The following CFHR3 variants were observed in gnomAD, a reference collection of about 807,000 sequenced individuals.
CFHR3 encodes complement factor H related 3.
CFHR3 carries 22 observed loss-of-function variants against 36.0 expected under a neutral mutation model. The observed-to-expected ratio is 0.61, with a 90% confidence interval of 0.44 to 0.87. CFHR3 has a LOEUF of 0.87. Among genes scored for constraint, CFHR3 ranks in the 40% least tolerant of loss-of-function variants. CFHR3 has a pLI of 0.00. For synonymous variants in CFHR3, 97 were observed against 137.4 expected, an observed-to-expected ratio of 0.71 and a Z score of 2.06; for missense variants, 276 against 401.3, an observed-to-expected ratio of 0.69 and a Z score of 2.67.
chr1:196,788,179 C>T lies in CFHR3; in HGVS notation c.431-37C>T, dbSNP rs754485848. ...TCCCTCCTATAAAAGAACTATTCAA[C>T]TAATATTTACTTTTTTCTTGACTTT... On this transcript the variant is annotated intron_variant, in intron 3 of 5. Transcript: ENST00000367425. 5.0e-6 allele frequency: 7 copies of T among 1,397,782 alleles called. 1 individual carries two copies. Among genetic ancestry groups the T allele is most frequent in the African/African-American group, 3.6e-5 (2 of 55,648 alleles). 86.6% of individuals were successfully genotyped at this position (1,397,782 alleles called of 1,614,324 possible). A position where few individuals can be genotyped will look rare whatever the true frequency, so the allele number is the denominator to read the frequency against.
chr1:196,777,923 G>T (rs1241400134), intron 1 of CFHR3, among the ~76,000 whole-genome samples: 1 of 124,686 alleles, frequency 8.0e-6, no homozygotes, highest in Non-Finnish European at 1.6e-5. Flanking sequence ...GGAGGCAGAG[G>T]TTGCAGTGAG....
chr1:196,779,984 C>G lies in CFHR3; in HGVS notation c.430+11C>G, dbSNP rs770027832. ...GATGCATCCGTGTCAGTAAGTACAC[C>G]GCTCTGAGATCCCAGCATGTTCATG... On this transcript the variant is annotated intron_variant, in intron 3 of 5. Coordinates refer to ENST00000367425, the MANE Select transcript of CFHR3 (RefSeq NM_021023.6). 1.3e-6 allele frequency: 2 copies of G among 1,532,028 alleles called. No individual in the cohort carries two copies. Among genetic ancestry groups the G allele is most frequent in the South Asian group, 1.2e-5 (1 of 80,668 alleles). The allele number at this position is 1,532,028 out of a possible 1,614,324, so 94.9% of individuals were successfully genotyped here.
At chr1:196,789,133 A>C in intron 4 of CFHR3, 2 of 999,522 alleles carry the variant, frequency 2.0e-6, no homozygotes, top group East Asian at 5.7e-5. Flanking sequence ...AGAGTTTTAA[A>C]GATAAATTGC....
At chr1:196,789,730 TG>T in intron 4 of CFHR3, 1 of 1,436,774 alleles carries the variant, frequency 7.0e-7, no homozygotes, top group Non-Finnish European at 9.2e-7. Flanking sequence ...GTGGTGAAGA[TG>T]GGTAGTCCCA....
At chr1:196,782,664 A>T (rs1654005435) in intron 3 of CFHR3, among the ~76,000 whole-genome samples, 4 of 136,906 alleles carry the variant, frequency 2.9e-5, no homozygotes, top group Admixed American at 2.8e-4. Context: ...GTATCCTGAG[A>T]CTTTGCTGAA....
rs565237377 is a variant in CFHR3, at chr1:196,781,020, C to G, written c.430+1047C>G. Reference sequence around the variant, plus strand: ...CCTGTGTCCATGTGTTCTCGTTGTTCAGTTCCCACCTATGAGTGAGAACAC... The same window carrying G: ...CCTGTGTCCATGTGTTCTCGTTGTTGAGTTCCCACCTATGAGTGAGAACAC... On this transcript the variant is annotated intron_variant, in intron 3 of 5. Transcript: ENST00000367425. 3.3e-3 allele frequency among the ~76,000 whole-genome samples: 371 copies of G among 112,066 alleles called. 45 individuals carry two copies. Among genetic ancestry groups the G allele is most frequent in the Non-Finnish European group, 5.2e-3 (304 of 58,224 alleles). 73.5% of individuals were successfully genotyped at this position (112,066 alleles called of 152,430 possible).
chr1:196,781,256 A>AGCAGCATGTGTCTTTAT (rs1653938027), intron 3 of CFHR3, among the ~76,000 whole-genome samples: 1 of 134,936 alleles, frequency 7.4e-6, no homozygotes. Flanking sequence ...ATGCCGCAAT[A>AGCAGCATGTGTCTTTAT]AGCATACGTG....
Position 196,793,505 on chromosome 1 carries a change from T to A in CFHR3, c.985T>A (p.Cys329Ser), listed in dbSNP as rs529213873. 2 of 1,524,328 alleles carry A rather than the reference T, an allele frequency of 1.3e-6. No individual in the cohort carries two copies. The highest frequency in any genetic ancestry group is 2.2e-5 in the East Asian group (1 of 44,482). The allele number at this position is 1,524,328 out of a possible 1,614,324, so 94.4% of individuals were successfully genotyped here. A position where few individuals can be genotyped will look rare whatever the true frequency, so the allele number is the denominator to read the frequency against. ...GGAAGGGATAGTGGAATACCCCAGA[T>A]GCGAATAAGGCAGCATTGTTACCCT... ...CREGIVEYPR[C>S]E Residue 329 changes from cysteine (C) to serine (S), a missense_variant, in exon 6 of 6, where the codon TGC (cysteine) becomes AGC (serine). By Grantham distance (112) the Cys-to-Ser change is moderately radical. Transcript: ENST00000367425.
At position 196,781,707 on chromosome 1, in the gene CFHR3, T is replaced by C. The variant is rs1194068946; in HGVS notation, c.430+1734T>C. On this transcript the variant is annotated intron_variant, in intron 3 of 5. Coordinates refer to ENST00000367425, the MANE Select transcript of CFHR3 (RefSeq NM_021023.6). ...ATTGTAGATTCTGGATATTAGCCCT[T>C]TGTCAGATGAGTAGGTTGCAAAAAT... is the stretch of plus-strand genomic sequence containing the variant. Among the ~76,000 whole-genome samples, 6 of 135,014 alleles carry C rather than the reference T, an allele frequency of 4.4e-5. 1 individual carries two copies. Among genetic ancestry groups the C allele is most frequent in the Non-Finnish European group, 9.4e-5 (6 of 64,116 alleles). The allele number at this position is 135,014 out of a possible 152,430, so 88.6% of individuals were successfully genotyped here.
intron 3 of CFHR3, among the ~76,000 whole-genome samples, chr1:196,784,510 A>G (rs1654104946): frequency 7.3e-6 from 1 of 136,374 alleles, no homozygotes; most frequent in Non-Finnish European, 1.6e-5. Flanking sequence ...ATATATATCT[A>G]GGATAGTTAG....
In CFHR3 at chr1:196,787,697, C is replaced by G. The variant is rs1255029011; in HGVS notation, c.431-519C>G. Among the ~76,000 whole-genome samples the G allele has an allele frequency of 1.5e-5, 2 of 136,672 alleles. 1 individual carries two copies. Among genetic ancestry groups the G allele is most frequent in the Non-Finnish European group, 3.1e-5 (2 of 64,574 alleles). The allele number at this position is 136,672 out of a possible 152,430, so 89.7% of individuals were successfully genotyped here. On this transcript the variant is annotated intron_variant, in intron 3 of 5. Transcript: ENST00000367425. ...TTTCTGCTTACATTTCCACATGCCTCTCAAACACCACGTCTATATGGGTTT... is the reference window on the plus strand; with the variant it reads ...TTTCTGCTTACATTTCCACATGCCTGTCAAACACCACGTCTATATGGGTTT...
intron 3 of CFHR3, among the ~76,000 whole-genome samples, chr1:196,785,804 G>C (rs531260189): frequency 1.5e-5 from 2 of 137,158 alleles, no homozygotes; most frequent in South Asian, 5.1e-4. Flanking sequence ...TTCTCAACTC[G>C]TCAAAGTCAT....
rs1222512570 is a variant in CFHR3, at chr1:196,775,601, C to A, written c.58+657C>A. Among the ~76,000 whole-genome samples, 2 of 136,752 alleles carry A rather than the reference C, an allele frequency of 1.5e-5. 1 individual carries two copies. The highest frequency in any genetic ancestry group is 6.1e-5 in the African/African-American group (2 of 32,876). 89.7% of individuals were successfully genotyped at this position (136,752 alleles called of 152,430 possible). A position where few individuals can be genotyped will look rare whatever the true frequency, so the allele number is the denominator to read the frequency against. Reference sequence around the variant, plus strand: ...TCAATAAGTAAATATACAGAAAATACTTTTCATAGCGTTATGTCATTGTTC... The same window carrying A: ...TCAATAAGTAAATATACAGAAAATAATTTTCATAGCGTTATGTCATTGTTC... On this transcript the variant is annotated intron_variant, in intron 1 of 5. Coordinates refer to ENST00000367425, the MANE Select transcript of CFHR3 (RefSeq NM_021023.6).
chr1:196,780,009 G>T (rs750432555), intron 3 of CFHR3, 36 bp downstream of exon 3: 1 of 1,529,092 alleles, frequency 6.5e-7, no homozygotes. Flanking sequence ...GCATGTTCAT[G>T]TCTTTCTAAG....
Position 196,781,989 on chromosome 1 carries a change from AG to A in CFHR3, c.430+2018del, listed in dbSNP as rs1240147132. 2.2e-5 allele frequency among the ~76,000 whole-genome samples: 3 copies of A among 137,248 alleles called. 1 individual carries two copies. The highest frequency in any genetic ancestry group is 9.1e-5 in the African/African-American group (3 of 32,842). The allele number at this position is 137,248 out of a possible 152,430, so 90.0% of individuals were successfully genotyped here. A position where few individuals can be genotyped will look rare whatever the true frequency, so the allele number is the denominator to read the frequency against. On this transcript the variant is annotated intron_variant, in intron 3 of 5. Coordinates refer to ENST00000367425, the MANE Select transcript of CFHR3 (RefSeq NM_021023.6). Reference sequence around the variant, plus strand: ...TGAATTAATTTTTGTATAAGGTGTAAGGAAGGGATCCAGTTTCAGCTTTCTA... The same window carrying A: ...TGAATTAATTTTTGTATAAGGTGTAAGAAGGGATCCAGTTTCAGCTTTCTA...
intron 4 of CFHR3, chr1:196,788,704 A>G: frequency 6.9e-7 from 1 of 1,454,746 alleles, no homozygotes; most frequent in Non-Finnish European, 9.1e-7. Context: ...GCCAATAAAA[A>G]CTTTGTTGTC....
At chr1:196,788,531 C>T (rs1654300781) in intron 4 of CFHR3, 133 bp downstream of exon 4, 1 of 1,304,510 alleles carries the variant, frequency 7.7e-7, no homozygotes, top group African/African-American at 1.9e-5. Context: ...AACCATTCAA[C>T]ATTCTGTGCC....
At chr1:196,774,974 T>C in intron 1 of CFHR3, 30 bp downstream of exon 1, 1 of 1,473,408 alleles carries the variant, frequency 6.8e-7, no homozygotes. Flanking sequence ...AACACTCAGC[T>C]TCCCTCTTAA....
chr1:196,793,121 C>A (rs867018243), intron 5 of CFHR3, among the ~76,000 whole-genome samples, 196 bp from the exon 6 acceptor site: 1 of 134,864 alleles, frequency 7.4e-6, no homozygotes, highest in South Asian at 2.6e-4. Flanking sequence ...ATGATCTCTG[C>A]TGTGATGTTG....
Sources: gnomAD v4.1 joint callset for allele counts (sites outside exome capture counted in the v4.1 genomes callset) on GRCh38, gnomAD v4.1.1 for gene constraint, MANE v1.5 for transcripts, NCBI Gene and HGNC (gene_info 2026-07-23, HGNC 2026-07-21) for gene names.